The following CSMD1 variants were observed in gnomAD, a reference collection of about 807,000 sequenced individuals.
CSMD1 encodes the protein CUB and sushi domain-containing protein 1.
Under a neutral mutation model 417.5 loss-of-function variants are expected in CSMD1, and 213 were observed. That is an observed-to-expected ratio of 0.51 (90% CI 0.46 to 0.57). The LOEUF (loss-of-function observed/expected upper bound fraction) is 0.57, where lower values mean the gene tolerates loss of function less well. CSMD1 is among the 20% of genes least tolerant of loss of function. The pLI is 0.00. For synonymous variants in CSMD1, 2,862 were observed against 1,736.8 expected (o/e 1.65, Z -16.11); for missense variants, 6,923 against 4,529.7 (o/e 1.53, Z -15.17).
At chr8:4,438,467 T>A (rs554694787) in intron 2 of CSMD1, among the ~76,000 whole-genome samples, 1 of 152,324 alleles carries the variant, frequency 6.6e-6, no homozygotes, top group Admixed American at 6.5e-5. Context: ...CATGTGGCAA[T>A]GGACCAACGC....
At chr8:4,385,087 C>T (rs761882666) in intron 3 of CSMD1, among the ~76,000 whole-genome samples, 3 of 152,106 alleles carry the variant, frequency 2.0e-5, no homozygotes, top group African/African-American at 7.2e-5. Flanking sequence ...CCAGCACACC[C>T]AGCTAATTTT....
chr8:3,367,240 T>C lies in CSMD1; in HGVS notation c.2907A>G (p.Gln969=), dbSNP rs1809643761. The C allele has an allele frequency of 1.2e-6, 2 of 1,609,530 alleles. No homozygotes were observed. The highest frequency in any genetic ancestry group is 1.3e-5 in the African/African-American group (1 of 74,596). The part of the protein sequence containing the change: ...TIEVSHGKGV[Q]MIFHTFHLES... The stretch of plus-strand genomic sequence containing the variant: ...CAAGATGAAAGGTGTGAAAGATCAT[T>C]TGAACTCCTGAGAAATGAAGCCGGG... The change falls in exon 20 of 70, where the codon CAA becomes CAG. Residue 969 remains glutamine (Q), a synonymous_variant. Transcript: ENST00000635120.
intron 2 of CSMD1, among the ~76,000 whole-genome samples, chr8:4,503,312 C>T (rs1802354055): frequency 6.6e-6 from 1 of 152,102 alleles, no homozygotes; most frequent in Non-Finnish European, 1.5e-5. Context: ...TGCTGTCATT[C>T]ATTCAATAAC....
At chr8:3,635,371 G>C (rs536375139) in intron 7 of CSMD1, among the ~76,000 whole-genome samples, 3 of 152,082 alleles carry the variant, frequency 2.0e-5, no homozygotes, top group Non-Finnish European at 4.4e-5. Flanking sequence ...CTACTCGGGA[G>C]GCTGAGGCAG....
chr8:3,307,578 T>A, intron 25 of CSMD1, 117 bp downstream of exon 25: 1 of 1,220,642 alleles, frequency 8.2e-7, no homozygotes, highest in East Asian at 2.4e-5. Flanking sequence ...AGCTTTACCT[T>A]TTCTTCTTTA....
At chr8:3,583,363 G>T (rs1035709133) in intron 9 of CSMD1, among the ~76,000 whole-genome samples, 3 of 151,994 alleles carry the variant, frequency 2.0e-5, no homozygotes, top group African/African-American at 7.2e-5. Context: ...CATAGAGAAG[G>T]CCTCAGGTGC....
At chr8:3,732,649 G>A (rs929895595) in intron 6 of CSMD1, among the ~76,000 whole-genome samples, 1 of 152,080 alleles carries the variant, frequency 6.6e-6, no homozygotes, top group African/African-American at 2.4e-5. Context: ...TTGCTTGTTT[G>A]AACAGAGTTC....
At chr8:4,045,863 T>G (rs1446968390) in intron 3 of CSMD1, among the ~76,000 whole-genome samples, 1 of 149,370 alleles carries the variant, frequency 6.7e-6, no homozygotes, top group Non-Finnish European at 1.5e-5. Context: ...CACTGCATTA[T>G]TTTTTTTTTA....
At chr8:4,400,420 A>C (rs1242445264) in intron 3 of CSMD1, among the ~76,000 whole-genome samples, 2 of 152,238 alleles carry the variant, frequency 1.3e-5, no homozygotes, top group Non-Finnish European at 2.9e-5. Flanking sequence ...ATATGTTTGT[A>C]CATGTGCACA....
chr8:3,935,889 T>C (rs1810459978), intron 5 of CSMD1, among the ~76,000 whole-genome samples: 1 of 152,158 alleles, frequency 6.6e-6, no homozygotes, highest in African/African-American at 2.4e-5. Flanking sequence ...AAAGTATACT[T>C]AAAGATGAGA....
In CSMD1 at chr8:3,671,942, A is replaced by T. The variant is rs1026124368; in HGVS notation, c.1009+36472T>A. On this transcript the variant is annotated intron_variant, in intron 7 of 69. Transcript: ENST00000635120. The stretch of plus-strand genomic sequence containing the variant: ...TAGCCTGCTGGTCATTTTTGAAAGA[A>T]AGTTTTCGACCACACATTTTTAGTT... 5.3e-5 allele frequency among the ~76,000 whole-genome samples: 8 copies of T among 152,262 alleles called. No individual in the cohort carries two copies. The East Asian group carries it at 1.2e-3, about 22-fold the overall frequency.
chr8:3,013,801 C>T (rs1379590325), intron 52 of CSMD1, among the ~76,000 whole-genome samples: 1 of 151,778 alleles, frequency 6.6e-6, no homozygotes, highest in African/African-American at 2.4e-5. Flanking sequence ...GTACCAGATC[C>T]ATCACCACAA....
chr8:3,940,355 T>TG (rs1272549255), intron 5 of CSMD1, among the ~76,000 whole-genome samples: 1 of 151,984 alleles, frequency 6.6e-6, no homozygotes, highest in Non-Finnish European at 1.5e-5. Flanking sequence ...TTAGCAATGG[T>TG]GGGGGGAAAA....
chr8:4,473,210 T>C (rs564990383), intron 2 of CSMD1, among the ~76,000 whole-genome samples: 12 of 152,328 alleles, frequency 7.9e-5, no homozygotes, highest in Non-Finnish European at 1.6e-4. Context: ...CAATTATAAA[T>C]GATTAAAAAG....
intron 1 of CSMD1, among the ~76,000 whole-genome samples, chr8:4,914,024 T>C (rs1805878051): frequency 6.6e-6 from 1 of 152,232 alleles, no homozygotes; most frequent in African/African-American, 2.4e-5. Flanking sequence ...TGCTGCAGTT[T>C]CTTAAAGACA....
Position 4,120,889 on chromosome 8 carries a change from C to T in CSMD1, c.416-88790G>A, listed in dbSNP as rs189227727. Among the ~76,000 whole-genome samples, 9 of 152,210 alleles carry T rather than the reference C, an allele frequency of 5.9e-5. No homozygotes were observed. In the East Asian group the frequency reaches 1.7e-3, roughly 29 times the overall value. The stretch of plus-strand genomic sequence containing the variant: ...AATTTTTTCTGTTTTATTGTTTATA[C>T]ACCATGGAATTTATTTAGGAATTCT... On this transcript the variant is annotated intron_variant, in intron 3 of 69. Transcript: ENST00000635120.
intron 1 of CSMD1, among the ~76,000 whole-genome samples, chr8:4,935,867 G>C (rs771264592): frequency 6.6e-6 from 1 of 152,234 alleles, no homozygotes; most frequent in Non-Finnish European, 1.5e-5. Context: ...CACATGAGAA[G>C]CAGAACTCAT....
chr8:3,558,598 C>T (rs1585364833), intron 10 of CSMD1, among the ~76,000 whole-genome samples: 1 of 129,310 alleles, frequency 7.7e-6, no homozygotes. Flanking sequence ...CTCAATAGTA[C>T]CCCGTGTCCA....
At chr8:3,415,089 T>A (rs1236292925) in intron 12 of CSMD1, among the ~76,000 whole-genome samples, 3 of 152,236 alleles carry the variant, frequency 2.0e-5, no homozygotes, top group African/African-American at 4.8e-5. Context: ...TGCAATTTAA[T>A]GATTTTTATT....
Sources: gnomAD v4.1 joint callset for allele counts (sites outside exome capture counted in the v4.1 genomes callset) on GRCh38, gnomAD v4.1.1 for gene constraint, MANE v1.5 for transcripts, NCBI Gene and HGNC (gene_info 2026-07-23, HGNC 2026-07-21) for gene names.